Variants in ITGAD observed in about 807,000 individuals in gnomAD.
ITGAD encodes integrin alpha-D.
Under a neutral mutation model 139.0 loss-of-function variants are expected in ITGAD, and 105 were observed. The observed-to-expected ratio is 0.76, with a 90% CI of 0.65 to 0.89. ITGAD has a LOEUF of 0.89. ITGAD is among the 40% of genes least tolerant of loss of function. The pLI is 0.00. For synonymous variants in ITGAD, 569 were observed against 598.3 expected (o/e 0.95, Z 0.71); for missense variants, 1,384 against 1,487.3 (o/e 0.93, Z 1.14).
At chr16:31,414,737 A>G in intron 17 of ITGAD, 123 bp from the exon 18 acceptor site, 2 of 1,549,462 alleles carry the variant, frequency 1.3e-6, no homozygotes, top group African/African-American at 1.4e-5. Context: ...TTAGGGCAGG[A>G]GAACCTGGCT....
rs771219273 is a variant in ITGAD, at chr16:31,410,420, G to A, written c.1109G>A (p.Gly370Glu). The A allele has an allele frequency of 6.2e-7, 1 of 1,614,082 alleles. No individual in the cohort carries two copies. The highest frequency in any genetic ancestry group is 8.5e-7 in the Non-Finnish European group (1 of 1,179,986). The change falls in exon 11 of 30, where the codon GGG (glycine) becomes GAG (glutamate). Residue 370 changes from glycine (G) to glutamate (E), a missense_variant. Physicochemically the swap from Gly to Glu is moderately conservative, Grantham distance 98. Coordinates refer to ENST00000389202, the MANE Select transcript of ITGAD (RefSeq NM_005353.3). ...GATGGCCTCTTCCTGGGGGCTGTGG[G>A]GAGCTTTAGCTGGTCTGGAGGTGCC... ...TMDGLFLGAV[G>E]SFSWSGGAFL...
intron 29 of ITGAD, 167 bp downstream of exon 29, chr16:31,424,744 G>T: frequency 6.0e-6 from 3 of 498,262 alleles, no homozygotes; most frequent in Non-Finnish European, 1.1e-5. Flanking sequence ...ATTACAGGTG[G>T]ACTGCACCAT....
intron 7 of ITGAD, chr16:31,404,196 AC>A (rs1483676188): frequency 1.3e-5 from 2 of 153,708 alleles, no homozygotes; most frequent in African/African-American, 4.9e-5. Context: ...CTCCCCACTC[AC>A]CTCCTCTCCC....
Position 31,426,067 on chromosome 16 carries a change from A to T in ITGAD, c.3425A>T (p.Asp1142Val). Residue 1142 changes from aspartate to valine, a missense_variant, in exon 30 of 30, where the codon GAC becomes GTC. Asp to Val is a radical substitution (Grantham distance 152, BLOSUM62 -3). Coordinates refer to ENST00000389202, the MANE Select transcript of ITGAD (RefSeq NM_005353.3). ...GAAATGCTGGAGGACAAGCCTGAAG[A>T]CACTGCCACATTCAGTGGGGACGAT... ...YKEMLEDKPE[D>V]TATFSGDDFS... 1.2e-6 allele frequency: 2 copies of T among 1,614,082 alleles called. No homozygotes were observed. Among genetic ancestry groups the T allele is most frequent in the Non-Finnish European group, 1.7e-6 (2 of 1,179,944 alleles).
intron 2 of ITGAD, among the ~76,000 whole-genome samples, chr16:31,395,717 CA>C (rs2081249303): frequency 6.6e-6 from 1 of 152,120 alleles, no homozygotes; most frequent in South Asian, 2.1e-4. Flanking sequence ...GTTCAAGTCA[CA>C]ATGTGACACA....
At chr16:31,419,726 G>A (rs966382201) in intron 23 of ITGAD, among the ~76,000 whole-genome samples, 2 of 150,130 alleles carry the variant, frequency 1.3e-5, no homozygotes, top group Non-Finnish European at 1.5e-5. Context: ...CAAGAGAATC[G>A]CTTGAACTTG....
intron 16 of ITGAD, 114 bp from the exon 17 acceptor site, chr16:31,414,337 A>T: frequency 9.2e-7 from 1 of 1,089,852 alleles, no homozygotes. Context: ...CACGTGGTAC[A>T]GTTCATGGCC....
chr16:31,411,340 T>G lies in ITGAD; in HGVS notation c.1530T>G (p.Arg510=). Residue 510 remains arginine, a synonymous_variant, in exon 14 of 30, where the codon CGT becomes CGG. Transcript: ENST00000389202. ...AGTGGCAGTGTGACGCTGTTCTCCG[T>G]GGTGAGCAGGGCCACCCCTGGGGCC... ...RVQWQCDAVL[R]GEQGHPWGRF... The G allele has an allele frequency of 1.2e-6, 2 of 1,613,758 alleles. No homozygotes were observed. Among genetic ancestry groups the G allele is most frequent in the Non-Finnish European group, 1.7e-6 (2 of 1,179,820 alleles).
At chr16:31,406,134 G>A (rs1341008081) in intron 7 of ITGAD, among the ~76,000 whole-genome samples, 2 of 152,008 alleles carry the variant, frequency 1.3e-5, no homozygotes, top group Admixed American at 6.6e-5. Context: ...GAGTGCAACG[G>A]CATGATCTCG....
At chr16:31,425,223 C>T (rs1374613556) in intron 29 of ITGAD, among the ~76,000 whole-genome samples, 1 of 152,032 alleles carries the variant, frequency 6.6e-6, no homozygotes, top group Non-Finnish European at 1.5e-5. Flanking sequence ...AGGCACACAC[C>T]ACCACACCTG....
At chr16:31,416,313 G>A (rs1207667875) in intron 19 of ITGAD, 27 bp downstream of exon 19, 1 of 1,581,072 alleles carries the variant, frequency 6.3e-7, no homozygotes, top group Non-Finnish European at 8.6e-7. Flanking sequence ...TTCATATCCA[G>A]ACACTCAGGC....
chr16:31,422,917 C>G (rs1342893199), intron 23 of ITGAD, among the ~76,000 whole-genome samples, 197 bp from the exon 24 acceptor site: 2 of 152,120 alleles, frequency 1.3e-5, no homozygotes, highest in African/African-American at 4.8e-5. Context: ...TCTGGAACTC[C>G]TGGGTTCAAG....
intron 15 of ITGAD, 38 bp downstream of exon 15, chr16:31,413,006 T>A: frequency 6.2e-7 from 1 of 1,603,208 alleles, no homozygotes; most frequent in Non-Finnish European, 8.5e-7. Context: ...CCGCGCTGTG[T>A]CTGATTCACC....
At chr16:31,408,886 G>A (rs780813877) in intron 10 of ITGAD, among the ~76,000 whole-genome samples, 7 of 152,216 alleles carry the variant, frequency 4.6e-5, no homozygotes, top group Non-Finnish European at 8.8e-5. Flanking sequence ...CGGCGGGAGA[G>A]ATCCGGGCTT....
chr16:31,397,560 T>C (rs2142585707), intron 3 of ITGAD, 36 bp from the exon 4 acceptor site: 2 of 1,604,420 alleles, frequency 1.2e-6, no homozygotes, highest in Middle Eastern at 3.3e-4. Flanking sequence ...AATGAGTGTG[T>C]GCTGTGAGTG....
At chr16:31,413,036 C>T in intron 15 of ITGAD, 53 bp from the exon 16 acceptor site, 9 of 1,606,902 alleles carry the variant, frequency 5.6e-6, no homozygotes, top group South Asian at 3.3e-5. Context: ...TCCCCAGCCA[C>T]GTTATCCTCC....
intron 28 of ITGAD, 60 bp from the exon 29 acceptor site, chr16:31,424,407 C>A: frequency 1.4e-6 from 2 of 1,432,470 alleles, no homozygotes; most frequent in Non-Finnish European, 2.0e-6. Flanking sequence ...TTAAAGGTTG[C>A]GGAACCTGGG....
At chr16:31,406,898 C>T (rs1368602605) in intron 7 of ITGAD, among the ~76,000 whole-genome samples, 3 of 152,152 alleles carry the variant, frequency 2.0e-5, no homozygotes, top group Non-Finnish European at 2.9e-5. Flanking sequence ...GGCAGAGGCC[C>T]GGAGAGGTTA....
At position 31,403,389 on chromosome 16, in the gene ITGAD, G is replaced by A. The variant is rs2081454350; in HGVS notation, c.559-111G>A. On this transcript the variant is annotated intron_variant, in intron 6 of 29. Coordinates refer to ENST00000389202, the MANE Select transcript of ITGAD (RefSeq NM_005353.3). The surrounding 1 kb of genome is among the most constrained non-coding windows in gnomAD (Gnocchi z 4.4). ...TTCCAGCTACTTGGAGGCTGAGGCA[G>A]GAGGATCACTTGAGGCCAGGAGTTT... The A allele has an allele frequency of 1.6e-6, 2 of 1,261,208 alleles. No homozygotes were observed. Among genetic ancestry groups the A allele is most frequent in the East Asian group, 2.3e-5 (1 of 42,790 alleles). 78.1% of individuals were successfully genotyped at this position (1,261,208 alleles called of 1,614,324 possible).
Sources: allele counts gnomAD v4.1 joint callset (sites outside exome capture counted in the v4.1 genomes callset), GRCh38; gene constraint gnomAD v4.1.1; non-coding constraint Gnocchi (gnomAD v3.1); transcripts MANE v1.5; gene names NCBI Gene and HGNC (gene_info 2026-07-23, HGNC 2026-07-21).